Variants in ZFYVE28 observed in about 807,000 individuals in gnomAD.
ZFYVE28 encodes zinc finger FYVE-type containing 28.
In ZFYVE28, 40 loss-of-function variants were observed where a neutral mutation model predicts 82.1. The observed-to-expected ratio is 0.49, with a 90% CI of 0.38 to 0.63. The LOEUF (loss-of-function observed/expected upper bound fraction) is 0.63. ZFYVE28 is among the 30% of genes least tolerant of loss of function. The probability of loss-of-function intolerance (pLI) is 0.00; values close to 1 mark genes in which losing one functional copy is unlikely to be tolerated. For synonymous variants in ZFYVE28, 612 were observed against 546.1 expected (o/e 1.12, Z -1.68); for missense variants, 1,321 against 1,242.1 (o/e 1.06, Z -0.96).
intron 1 of ZFYVE28, among the ~76,000 whole-genome samples, chr4:2,361,442 G>A (rs1337658668): frequency 6.6e-6 from 1 of 152,174 alleles, no homozygotes; most frequent in African/African-American, 2.4e-5. Flanking sequence ...TGTGAGCTCA[G>A]CCCGTCTGAC....
chr4:2,305,770 T>A (rs1237715465), intron 7 of ZFYVE28, among the ~76,000 whole-genome samples: 1 of 152,254 alleles, frequency 6.6e-6, no homozygotes, highest in Non-Finnish European at 1.5e-5. Context: ...TCTAGTACAG[T>A]TTCTTTTTTA....
chr4:2,340,760 G>A (rs1487230884), intron 3 of ZFYVE28, among the ~76,000 whole-genome samples: 2 of 152,108 alleles, frequency 1.3e-5, no homozygotes, highest in South Asian at 2.1e-4. Context: ...CCCAAGCCTC[G>A]GCAGAGGACA....
In ZFYVE28 at chr4:2,353,130, C is replaced by T. The variant is rs751497737; in HGVS notation, c.180+803G>A. 2.6e-4 allele frequency among the ~76,000 whole-genome samples: 39 copies of T among 152,368 alleles called. 1 individual carries two copies. The Middle Eastern group carries it at 0.014, about 53-fold the overall frequency. ...CCAAAAAAGAGCCCAGAGCCTGATC[C>T]GGCCAGAAAAGTTGTCCTGGCCACA... On this transcript the variant is annotated intron_variant, in intron 2 of 12. Coordinates refer to ENST00000290974, the MANE Select transcript of ZFYVE28 (RefSeq NM_020972.3).
At chr4:2,370,532 T>G (rs946047692) in intron 1 of ZFYVE28, among the ~76,000 whole-genome samples, 1 of 152,092 alleles carries the variant, frequency 6.6e-6, no homozygotes. Context: ...TCGACAAATC[T>G]TCCCCCCGTG....
intron 8 of ZFYVE28, among the ~76,000 whole-genome samples, chr4:2,278,219 CTTTT>C (rs58136968): frequency 2.2e-5 from 3 of 136,920 alleles, no homozygotes; most frequent in Admixed American, 7.4e-5. Context: ...AAGATTCTCT[CTTTT>C]TTTTTTTTTT....
chr4:2,291,053 G>A (rs773866018), intron 8 of ZFYVE28, among the ~76,000 whole-genome samples: 2 of 152,204 alleles, frequency 1.3e-5, no homozygotes, highest in African/African-American at 2.4e-5. Flanking sequence ...TCCTGCCCCC[G>A]GCACACGAGC....
intron 1 of ZFYVE28, among the ~76,000 whole-genome samples, chr4:2,413,767 A>G (rs1732758414): frequency 6.6e-6 from 1 of 152,238 alleles, no homozygotes; most frequent in Non-Finnish European, 1.5e-5. Context: ...GCATGGACGC[A>G]GTGCTGTAGG....
At chr4:2,274,985 G>A (rs963425533) in intron 8 of ZFYVE28, among the ~76,000 whole-genome samples, 1 of 152,214 alleles carries the variant, frequency 6.6e-6, no homozygotes, top group African/African-American at 2.4e-5. Context: ...CAGTTTGCGG[G>A]GACAGCAGCC....
At chr4:2,348,391 C>A (rs1723887566) in intron 2 of ZFYVE28, among the ~76,000 whole-genome samples, 1 of 152,158 alleles carries the variant, frequency 6.6e-6, no homozygotes, top group Non-Finnish European at 1.5e-5. Context: ...GAAGAACTAA[C>A]ACTACACAAA....
chr4:2,365,299 C>T (rs545308858), intron 1 of ZFYVE28, among the ~76,000 whole-genome samples: 2 of 152,122 alleles, frequency 1.3e-5, no homozygotes, highest in African/African-American at 4.8e-5. Flanking sequence ...GAGGAGGGGC[C>T]GCGCGGCGCC....
chr4:2,349,378 GA>G (rs1473599105), intron 2 of ZFYVE28, among the ~76,000 whole-genome samples: 17 of 105,162 alleles, frequency 1.6e-4, no homozygotes, highest in African/African-American at 5.9e-4. Context: ...GGGGTGGGGG[GA>G]GGGGGGAGGG....
At chr4:2,350,203 G>A (rs556770073) in intron 2 of ZFYVE28, among the ~76,000 whole-genome samples, 4 of 152,278 alleles carry the variant, frequency 2.6e-5, no homozygotes, top group Admixed American at 1.3e-4. Context: ...AGTGGCTCAC[G>A]CCTGTAATCC....
At chr4:2,347,299 CA>C (rs1168876444) in intron 2 of ZFYVE28, among the ~76,000 whole-genome samples, 10 of 152,132 alleles carry the variant, frequency 6.6e-5, no homozygotes, top group Non-Finnish European at 1.2e-4. Context: ...ACGACATAAA[CA>C]AATCCACAAT....
chr4:2,315,150 G>A (rs1294998967), intron 7 of ZFYVE28, among the ~76,000 whole-genome samples: 2 of 152,020 alleles, frequency 1.3e-5, no homozygotes, highest in Admixed American at 6.6e-5. Context: ...TTTATGTGCA[G>A]GTTGCTGATA....
At chr4:2,373,276 T>C (rs1044575770) in intron 1 of ZFYVE28, among the ~76,000 whole-genome samples, 2 of 152,138 alleles carry the variant, frequency 1.3e-5, no homozygotes, top group Non-Finnish European at 1.5e-5. Flanking sequence ...GGTGGGAGAA[T>C]TGCTCAAGCC....
intron 1 of ZFYVE28, among the ~76,000 whole-genome samples, chr4:2,368,217 A>AAAAAAAC (rs1553856549): frequency 1.4e-5 from 2 of 145,350 alleles, no homozygotes; most frequent in Non-Finnish European, 3.1e-5. Flanking sequence ...TCTACAAAAA[A>AAAAAAAC]AAAAAAAAAA....
intron 1 of ZFYVE28, among the ~76,000 whole-genome samples, chr4:2,387,332 G>A (rs536642667): frequency 3.3e-5 from 5 of 152,340 alleles, no homozygotes; most frequent in African/African-American, 1.2e-4. Context: ...CTTCACGGCC[G>A]GAAGTGACGC....
At chr4:2,273,954 G>C in intron 9 of ZFYVE28, 108 bp downstream of exon 9, 2 of 1,333,542 alleles carry the variant, frequency 1.5e-6, no homozygotes, top group Non-Finnish European at 2.1e-6. Context: ...GTGGGCTGCT[G>C]TTTACAGGAA....
At position 2,335,833 on chromosome 4, in the gene ZFYVE28, G is replaced by A. The variant is rs1171251475; in HGVS notation, c.612-39C>T. 1.3e-6 allele frequency: 2 copies of A among 1,514,208 alleles called. No homozygotes were observed. The highest frequency in any genetic ancestry group is 1.8e-6 in the Non-Finnish European group (2 of 1,115,102). The allele number at this position is 1,514,208 out of a possible 1,614,324, so 93.8% of individuals were successfully genotyped here. ...CGGACAGTGAGCAGCATGAGGGCTGGCCCACCACAGCCACAGGTTGGACCC... is the reference window on the plus strand; with the variant it reads ...CGGACAGTGAGCAGCATGAGGGCTGACCCACCACAGCCACAGGTTGGACCC... On this transcript the variant is annotated intron_variant, in intron 5 of 12. Coordinates refer to ENST00000290974, the MANE Select transcript of ZFYVE28 (RefSeq NM_020972.3). The surrounding 1 kb of genome is among the most constrained non-coding windows in gnomAD (Gnocchi z 5.8).
Sources: gnomAD v4.1 joint callset for allele counts (sites outside exome capture counted in the v4.1 genomes callset) on GRCh38, gnomAD v4.1.1 for gene constraint, Gnocchi (gnomAD v3.1) non-coding constraint, MANE v1.5 for transcripts, NCBI Gene and HGNC (gene_info 2026-07-23, HGNC 2026-07-21) for gene names.